The following SORCS1 variants were observed in gnomAD, a reference collection of about 807,000 sequenced individuals.
The protein encoded by SORCS1 is VPS10 domain-containing receptor SorCS1.
In SORCS1, 60 loss-of-function variants were observed where a neutral mutation model predicts 146.1. The observed-to-expected ratio is 0.41, with a 90% confidence interval of 0.33 to 0.51. SORCS1 has a LOEUF of 0.51. Among genes scored for constraint, SORCS1 ranks in the 20% least tolerant of loss-of-function variants. The pLI, the probability that SORCS1 is intolerant of heterozygous loss-of-function variation, is 0.21. For missense variants in SORCS1, 1,352 were observed against 1,487.6 expected (o/e 0.91, Z 1.50); for synonymous variants, 637 against 584.0 (o/e 1.09, Z -1.31).
At chr10:106,690,351 T>A (rs1450529507) in intron 9 of SORCS1, among the ~76,000 whole-genome samples, 2 of 152,254 alleles carry the variant, frequency 1.3e-5, no homozygotes, top group African/African-American at 4.8e-5. Flanking sequence ...TGACCATGTC[T>A]TAGCCATTCA....
intron 1 of SORCS1, among the ~76,000 whole-genome samples, chr10:106,994,576 T>C (rs934462750): frequency 4.6e-5 from 7 of 152,220 alleles, no homozygotes; most frequent in Non-Finnish European, 2.9e-5. Flanking sequence ...GCAATTTTGA[T>C]TTTAGCAGTT....
At chr10:107,019,215 A>T (rs932529886) in intron 1 of SORCS1, among the ~76,000 whole-genome samples, 25 of 152,188 alleles carry the variant, frequency 1.6e-4, no homozygotes, top group Admixed American at 1.5e-3. Flanking sequence ...TGTATTTTTT[A>T]AAAAATAAAC....
chr10:106,712,812 G>GT (rs1349669611), intron 6 of SORCS1, among the ~76,000 whole-genome samples: 1 of 152,156 alleles, frequency 6.6e-6, no homozygotes, highest in Non-Finnish European at 1.5e-5. Flanking sequence ...TCTTTGGCGA[G>GT]CTACTGAACA....
At chr10:106,913,260 G>T (rs1444010684) in intron 2 of SORCS1, among the ~76,000 whole-genome samples, 2 of 152,164 alleles carry the variant, frequency 1.3e-5, no homozygotes, top group Non-Finnish European at 2.9e-5. Flanking sequence ...AGCAGTGGGC[G>T]CTTCGAATGT....
At chr10:106,784,972 T>C (rs193249982) in intron 3 of SORCS1, among the ~76,000 whole-genome samples, 2 of 152,178 alleles carry the variant, frequency 1.3e-5, no homozygotes, top group Non-Finnish European at 2.9e-5. Flanking sequence ...TAGACATTAA[T>C]CCACTCTAAA....
intron 2 of SORCS1, among the ~76,000 whole-genome samples, chr10:106,852,627 C>CAAAAAAAAAAAAAAAAAA (rs370300215): frequency 1.2e-5 from 1 of 85,016 alleles, no homozygotes; most frequent in African/African-American, 4.2e-5. Flanking sequence ...GACCCTGTCT[C>CAAAAAAAAAAAAAAAAAA]AAAAAAAAAA....
intron 2 of SORCS1, among the ~76,000 whole-genome samples, chr10:106,878,192 C>G (rs1042623651): frequency 2.0e-5 from 3 of 146,396 alleles, no homozygotes; most frequent in Non-Finnish European, 3.0e-5. Context: ...AGTCCAGATA[C>G]TACAAAATTC....
chr10:106,638,543 G>A (rs1312327790), intron 18 of SORCS1, among the ~76,000 whole-genome samples: 1 of 152,160 alleles, frequency 6.6e-6, no homozygotes, highest in Non-Finnish European at 1.5e-5. Flanking sequence ...CATGGACACA[G>A]ATACCACCCC....
intron 3 of SORCS1, among the ~76,000 whole-genome samples, chr10:106,818,229 T>C (rs1393846242): frequency 6.6e-6 from 1 of 152,176 alleles, no homozygotes; most frequent in Non-Finnish European, 1.5e-5. Flanking sequence ...TAATGTGAAT[T>C]TTAGTTGTAT....
At chr10:107,100,104 T>G (rs552979097) in intron 1 of SORCS1, among the ~76,000 whole-genome samples, 14 of 152,326 alleles carry the variant, frequency 9.2e-5, no homozygotes, top group Admixed American at 5.2e-4. Context: ...TTCCAGAAAT[T>G]TCCATAGGTT....
intron 1 of SORCS1, among the ~76,000 whole-genome samples, chr10:107,066,364 A>G (rs1034522868): frequency 1.3e-5 from 2 of 152,224 alleles, no homozygotes; most frequent in Non-Finnish European, 2.9e-5. Flanking sequence ...CATGTTCATT[A>G]TCCTTCAATT....
chr10:106,673,099 A>G (rs1851730026), intron 14 of SORCS1, 114 bp from the exon 15 acceptor site: 2 of 743,332 alleles, frequency 2.7e-6, no homozygotes. Context: ...CATGAATCAT[A>G]TCATTTAATC....
chr10:107,045,217 G>GCT (rs1959265385), intron 1 of SORCS1, among the ~76,000 whole-genome samples: 1 of 152,120 alleles, frequency 6.6e-6, no homozygotes, highest in Admixed American at 6.6e-5. Context: ...GTGTGCATAA[G>GCT]ATTTACATAC....
intron 4 of SORCS1, among the ~76,000 whole-genome samples, chr10:106,763,276 G>A (rs1228076930): frequency 6.6e-6 from 1 of 152,058 alleles, no homozygotes; most frequent in Non-Finnish European, 1.5e-5. Flanking sequence ...TCTCTGTGAG[G>A]AATTGTTGGG....
In SORCS1 at chr10:106,675,109, G is replaced by T. The variant is rs1232424769; in HGVS notation, c.1880C>A (p.Ser627Tyr). The T allele has an allele frequency of 6.2e-7, 1 of 1,613,872 alleles. No individual in the cohort carries two copies. Among genetic ancestry groups the T allele is most frequent in the Admixed American group, 1.7e-5 (1 of 60,004 alleles). The part of the protein sequence containing the change: ...GRSWSKYSFT[S>Y]IPLFVDGVLG... ...AACCCCATCCACAAAAAGTGGAATAGATGTGAAACTGTATTTGCTCCAAGA... is the reference window on the plus strand; with the variant it reads ...AACCCCATCCACAAAAAGTGGAATATATGTGAAACTGTATTTGCTCCAAGA... The change falls in exon 14 of 26, where the codon TCT (serine) becomes TAT (tyrosine). Residue 627 changes from serine to tyrosine, a missense_variant. Physicochemically the swap from Ser to Tyr is moderately radical, Grantham distance 144. Around this residue, in one of 3 missense-constraint regions of SORCS1, gnomAD observed 648 missense variants for 793.8 expected, o/e 0.82. Coordinates refer to ENST00000263054, the MANE Select transcript of SORCS1 (RefSeq NM_052918.5).
intron 2 of SORCS1, among the ~76,000 whole-genome samples, chr10:106,925,209 C>A (rs1306839853): frequency 6.6e-6 from 1 of 150,850 alleles, no homozygotes; most frequent in Non-Finnish European, 1.5e-5. Flanking sequence ...TTTTTTTGTA[C>A]AGCAGAAAGG....
At chr10:106,681,618 T>C (rs1184010638) in intron 10 of SORCS1, among the ~76,000 whole-genome samples, 1 of 152,192 alleles carries the variant, frequency 6.6e-6, no homozygotes, top group Non-Finnish European at 1.5e-5. Context: ...AGCATCTGTA[T>C]GGCATTCCAA....
chr10:106,840,091 ATTTTAAT>A (rs1201838756), intron 2 of SORCS1, among the ~76,000 whole-genome samples: 1 of 152,170 alleles, frequency 6.6e-6, no homozygotes, highest in African/African-American at 2.4e-5. Context: ...TCAAGGAGTA[ATTTTAAT>A]TTTTAAGTAG....
chr10:106,841,362 C>T (rs1017845327), intron 2 of SORCS1, among the ~76,000 whole-genome samples: 9 of 151,788 alleles, frequency 5.9e-5, no homozygotes, highest in Admixed American at 2.6e-4. Flanking sequence ...CCCAGCTACT[C>T]GGGAGGCTGA....
Sources: gnomAD v4.1 joint callset for allele counts (sites outside exome capture counted in the v4.1 genomes callset) on GRCh38, gnomAD v4.1.1 for gene constraint, gnomAD v4.1.1 regional missense constraint, MANE v1.5 for transcripts, NCBI Gene and HGNC (gene_info 2026-07-23, HGNC 2026-07-21) for gene names.